Variants in NAV3 observed in about 807,000 individuals in gnomAD.
NAV3 encodes neuron navigator 3.
NAV3 carries 87 observed loss-of-function variants against 244.7 expected under a neutral mutation model. The ratio of observed to expected loss-of-function variants is 0.36; its 90% CI spans 0.30 to 0.42. NAV3 has a LOEUF of 0.42. Ranked by LOEUF, NAV3 falls within the 20% of genes least tolerant of loss-of-function variation. The pLI is 1.00. For missense variants in NAV3, 2,663 were observed against 2,893.3 expected (o/e 0.92, Z 1.83); for synonymous variants, 1,126 against 1,042.2 (o/e 1.08, Z -1.55).
chr12:78,038,031 A>G (rs755890435), intron 9 of NAV3, among the ~76,000 whole-genome samples: 6 of 152,188 alleles, frequency 3.9e-5, no homozygotes, highest in Non-Finnish European at 8.8e-5. Flanking sequence ...GATGACTATG[A>G]ACTGTTTTCA....
At chr12:77,704,682 T>G (rs995607605) in intron 2 of NAV3, among the ~76,000 whole-genome samples, 3 of 151,620 alleles carry the variant, frequency 2.0e-5, no homozygotes, top group Non-Finnish European at 4.4e-5. Context: ...TGGAGTGAAA[T>G]GGACTCCACT....
At chr12:77,873,657 T>C (rs1881334256) in intron 1 of NAV3, among the ~76,000 whole-genome samples, 1 of 137,962 alleles carries the variant, frequency 7.2e-6, no homozygotes, top group African/African-American at 2.6e-5. Flanking sequence ...AGTATTTTTA[T>C]ATATATACAT....
At chr12:77,804,422 T>C (rs1361039121) in intron 2 of NAV3, among the ~76,000 whole-genome samples, 1 of 152,202 alleles carries the variant, frequency 6.6e-6, no homozygotes, top group Non-Finnish European at 1.5e-5. Flanking sequence ...ATTTATTAAA[T>C]AAGGAATCAT....
intron 6 of NAV3, among the ~76,000 whole-genome samples, chr12:77,998,116 T>TA (rs1367096671): frequency 7.2e-5 from 11 of 152,208 alleles, no homozygotes; most frequent in African/African-American, 2.4e-4. Context: ...TATTGTATAT[T>TA]ATTACAATTT....
chr12:77,723,728 C>T (rs1023841990), intron 2 of NAV3, among the ~76,000 whole-genome samples: 7 of 121,588 alleles, frequency 5.8e-5, no homozygotes, highest in Non-Finnish European at 8.5e-5. Flanking sequence ...ACACAGATTT[C>T]GAGGAGTTTC....
At chr12:77,817,294 C>A (rs190232733) in intron 2 of NAV3, among the ~76,000 whole-genome samples, 4 of 152,268 alleles carry the variant, frequency 2.6e-5, no homozygotes, top group Non-Finnish European at 5.9e-5. Flanking sequence ...AATTGCCACA[C>A]CCTCTGTAAG....
At chr12:77,957,804 TTACA>T (rs1254443539) in intron 3 of NAV3, among the ~76,000 whole-genome samples, 3 of 152,012 alleles carry the variant, frequency 2.0e-5, no homozygotes, top group African/African-American at 7.2e-5. Context: ...GTAGCTGGGA[TTACA>T]GAAGCCTGCC....
At chr12:77,932,371 T>C (rs1293164825) in intron 1 of NAV3, among the ~76,000 whole-genome samples, 1 of 152,138 alleles carries the variant, frequency 6.6e-6, no homozygotes, top group East Asian at 1.9e-4. Context: ...TTCTGAGCCA[T>C]TCTGGGGGTC....
At chr12:77,628,177 T>C (rs73425564) in intron 2 of NAV3, among the ~76,000 whole-genome samples, 18,179 of 152,242 alleles carry the variant, frequency 0.12, 2,009 homozygotes, top group African/African-American at 0.29. Flanking sequence ...AAATAAATGA[T>C]AAATGTTTGA....
At chr12:77,836,893 C>T (rs999713163) in intron 1 of NAV3, among the ~76,000 whole-genome samples, 13 of 152,102 alleles carry the variant, frequency 8.5e-5, no homozygotes, top group Non-Finnish European at 1.9e-4. Flanking sequence ...TATTTAATTC[C>T]TATTCACTCT....
chr12:78,115,015 A>G (rs1402600530), intron 12 of NAV3, among the ~76,000 whole-genome samples: 1 of 152,198 alleles, frequency 6.6e-6, no homozygotes, highest in Non-Finnish European at 1.5e-5. Context: ...TTGACTTCAT[A>G]TGTGATCTAA....
At chr12:77,762,151 C>A (rs1413701554) in intron 2 of NAV3, among the ~76,000 whole-genome samples, 3 of 152,054 alleles carry the variant, frequency 2.0e-5, no homozygotes, top group Non-Finnish European at 4.4e-5. Flanking sequence ...AGCTGGAAAC[C>A]ATCATTCTCA....
At chr12:77,635,147 G>C (rs1565746512) in intron 2 of NAV3, among the ~76,000 whole-genome samples, 1 of 152,010 alleles carries the variant, frequency 6.6e-6, no homozygotes, top group Non-Finnish European at 1.5e-5. Flanking sequence ...AGAATTGCTG[G>C]AACCTGGGAG....
At position 78,013,463 on chromosome 12, in the gene NAV3, C is replaced by G. The variant is rs569808747; in HGVS notation, c.1907+6018C>G. Among the ~76,000 whole-genome samples, 3 of 152,126 alleles carry G rather than the reference C, an allele frequency of 2.0e-5. No homozygotes were observed. In the South Asian group the frequency reaches 6.2e-4, roughly 32 times the overall value. On this transcript the variant is annotated intron_variant, in intron 8 of 39. Coordinates refer to ENST00000397909, the MANE Select transcript of NAV3 (RefSeq NM_001024383.2). ...TTTGGTAATGCAGAGATGAGGGGGA[C>G]AGGGAGGGAAACATAAGGCTGAAGG...
intron 39 of NAV3, among the ~76,000 whole-genome samples, chr12:78,206,860 T>TAC (rs1960377462): frequency 7.3e-5 from 3 of 41,106 alleles, no homozygotes; most frequent in African/African-American, 4.1e-4. Flanking sequence ...CTTACTTTTT[T>TAC]TTTTTTTTTT....
At chr12:77,738,776 C>T (rs1308269375) in intron 2 of NAV3, among the ~76,000 whole-genome samples, 6 of 151,974 alleles carry the variant, frequency 3.9e-5, no homozygotes, top group African/African-American at 1.2e-4. Context: ...TTTGGGAGGC[C>T]GAGGTAGGCG....
At chr12:77,976,670 TTTTC>T (rs1210330266) in intron 5 of NAV3, among the ~76,000 whole-genome samples, 11,528 of 63,006 alleles carry the variant, frequency 0.18, 1,592 homozygotes, top group East Asian at 0.24. Context: ...TTCTTTCTTT[TTTTC>T]TTTTTTTTTT....
At chr12:77,840,743 C>T (rs1875496058) in intron 1 of NAV3, among the ~76,000 whole-genome samples, 1 of 152,184 alleles carries the variant, frequency 6.6e-6, no homozygotes, top group African/African-American at 2.4e-5. Context: ...GGTCAAACAG[C>T]CGTAGCAACT....
chr12:78,177,514 G>A (rs1271756073), intron 27 of NAV3, 106 bp from the exon 28 acceptor site: 9 of 1,181,206 alleles, frequency 7.6e-6, no homozygotes, highest in Non-Finnish European at 8.3e-6. Flanking sequence ...TCATATGTTA[G>A]AATTCAAGTG....
Sources: gnomAD v4.1 joint callset for allele counts (sites outside exome capture counted in the v4.1 genomes callset) on GRCh38, gnomAD v4.1.1 for gene constraint, MANE v1.5 for transcripts, NCBI Gene and HGNC (gene_info 2026-07-23, HGNC 2026-07-21) for gene names.